GOLGA3: variants seen among roughly 807,000 people sequenced by gnomAD.
The protein encoded by GOLGA3 is golgin subfamily A member 3.
A neutral mutation model predicts 169.4 loss-of-function variants in GOLGA3; 75 were observed. The ratio of observed to expected loss-of-function variants is 0.44; its 90% CI spans 0.37 to 0.54. GOLGA3 has a LOEUF of 0.54. GOLGA3 is among the 20% of genes least tolerant of loss of function. GOLGA3 has a pLI of 0.00. For synonymous variants in GOLGA3, 824 were observed against 822.4 expected (o/e 1.00, Z -0.03); for missense variants, 1,899 against 1,930.0 (o/e 0.98, Z 0.30).
chr12:132,781,033 G>C (rs2045575367), intron 17 of GOLGA3, 119 bp from the exon 18 acceptor site: 5 of 718,816 alleles, frequency 7.0e-6, no homozygotes, highest in Non-Finnish European at 7.3e-6. Context: ...GAGGTAGAGG[G>C]AACTTCACTG....
chr12:132,790,964 T>C (rs1186732304), intron 12 of GOLGA3, among the ~76,000 whole-genome samples: 2 of 137,896 alleles, frequency 1.5e-5, no homozygotes, highest in Non-Finnish European at 3.0e-5. Flanking sequence ...GGCAGGAGAA[T>C]AGCTTGAACC....
chr12:132,828,018 C>A (rs1950494273), intron 1 of GOLGA3: 1 of 152,300 alleles, frequency 6.6e-6, no homozygotes, highest in Non-Finnish European at 1.5e-5. Context: ...ATCCTTACCG[C>A]CATCGCTTTC....
rs1454461185 is a variant in GOLGA3 at position 132,787,809 on chromosome 12, G to A, written c.2812-1022C>T. On this transcript the variant is annotated intron_variant, in intron 13 of 23. Transcript: ENST00000450791. Reference sequence around the variant, plus strand: ...CCCGGAGACCACGGGACCCCTCCCCGGAGACCCCGGGACCCCTCCCCGGAG... The same window carrying A: ...CCCGGAGACCACGGGACCCCTCCCCAGAGACCCCGGGACCCCTCCCCGGAG... 2.7e-4 allele frequency among the ~76,000 whole-genome samples: 8 copies of A among 29,894 alleles called. 1 individual carries two copies. Among genetic ancestry groups the A allele is most frequent in the East Asian group, 1.9e-3 (2 of 1,080 alleles). 19.6% of individuals were successfully genotyped at this position (29,894 alleles called of 152,430 possible). A position where few individuals can be genotyped will look rare whatever the true frequency, so the allele number is the denominator to read the frequency against.
At chr12:132,778,972 A>C (rs566924556) in intron 18 of GOLGA3, among the ~76,000 whole-genome samples, 3 of 151,860 alleles carry the variant, frequency 2.0e-5, no homozygotes, top group East Asian at 3.9e-4. Context: ...CGTGTGAGCC[A>C]GCCTGAACCA....
At chr12:132,807,559 G>C (rs956668365) in intron 5 of GOLGA3, among the ~76,000 whole-genome samples, 7 of 152,268 alleles carry the variant, frequency 4.6e-5, no homozygotes, top group Admixed American at 4.6e-4. Flanking sequence ...ACGGGAGACT[G>C]GATATTTTAG....
In GOLGA3 at chr12:132,808,483, C is replaced by G; in HGVS notation, c.586G>C (p.Glu196Gln). Residue 196 changes from glutamate (E) to glutamine (Q), a missense_variant, in exon 5 of 24, where the codon GAA becomes CAA. Glu to Gln is a conservative substitution (Grantham distance 29). Coordinates refer to ENST00000450791, the MANE Select transcript of GOLGA3 (RefSeq NM_001389683.1). Reference protein sequence around the residue: ...TLDPELMLNPENLPRASTLAM... With the variant: ...TLDPELMLNPQNLPRASTLAM... The stretch of plus-strand genomic sequence containing the variant: ...AGGGTACTGGCCCTTGGTAAGTTTT[C>G]TGGGTTTAACATGAGCTCAGGATCA... 6.2e-7 allele frequency: 1 copy of G among 1,613,998 alleles called. No individual in the cohort carries two copies. Among genetic ancestry groups the G allele is most frequent in the South Asian group, 1.1e-5 (1 of 91,072 alleles).
intron 3 of GOLGA3, among the ~76,000 whole-genome samples, chr12:132,814,536 C>G (rs769803509): frequency 6.6e-6 from 1 of 152,200 alleles, no homozygotes; most frequent in East Asian, 1.9e-4. Context: ...CACGAGACCC[C>G]GAGTGCATTT....
In GOLGA3 at chr12:132,801,709, C is replaced by T. The variant is rs561772874; in HGVS notation, c.1800+58G>A. 67 of 1,481,854 alleles carry T rather than the reference C, an allele frequency of 4.5e-5. 1 individual carries two copies. The South Asian group carries it at 6.9e-4, about 15-fold the overall frequency. The allele number at this position is 1,481,854 out of a possible 1,614,324, so 91.8% of individuals were successfully genotyped here. A position where few individuals can be genotyped will look rare whatever the true frequency, so the allele number is the denominator to read the frequency against. ...AACAGAAAAATCTCAGGAAAAAGCA[C>T]CGTTCTACATGAAGACAAGAAGCGT... On this transcript the variant is annotated intron_variant, in intron 8 of 23. Coordinates refer to ENST00000450791, the MANE Select transcript of GOLGA3 (RefSeq NM_001389683.1).
In GOLGA3 at chr12:132,776,627, C is replaced by T. The variant is rs1411339298; in HGVS notation, c.3978+7G>A. Reference sequence around the variant, plus strand: ...CCGCCTGTGCCCAGCGCCTCACACACAGGTACCTGCAGCAGCTGCTGTAGC... The same window carrying T: ...CCGCCTGTGCCCAGCGCCTCACACATAGGTACCTGCAGCAGCTGCTGTAGC... On this transcript the variant is annotated splice_region_variant and intron_variant, in intron 21 of 23. Coordinates refer to ENST00000450791, the MANE Select transcript of GOLGA3 (RefSeq NM_001389683.1). 1 of 1,602,154 alleles carries T rather than the reference C, an allele frequency of 6.2e-7. No homozygotes were observed. The highest frequency in any genetic ancestry group is 1.7e-5 in the Admixed American group (1 of 58,486).
rs1007436534 is a variant in GOLGA3, at chr12:132,786,254, C to T, written c.3123+85G>A. 4.2e-5 allele frequency: 40 copies of T among 963,572 alleles called. No individual in the cohort carries two copies. In the African/African-American group the frequency reaches 5.9e-4, roughly 14 times the overall value. The allele number at this position is 963,572 out of a possible 1,614,324, so 59.7% of individuals were successfully genotyped here. On this transcript the variant is annotated intron_variant, in intron 15 of 23. Coordinates refer to ENST00000450791, the MANE Select transcript of GOLGA3 (RefSeq NM_001389683.1). Reference sequence around the variant, plus strand: ...CCCACGCGAGCTCGGCCCCGCTAGGCTTTAGGGGACAACTGCTGATGGAGA... The same window carrying T: ...CCCACGCGAGCTCGGCCCCGCTAGGTTTTAGGGGACAACTGCTGATGGAGA...
rs190591468 is a variant in GOLGA3, at chr12:132,787,825, C to T, written c.2812-1038G>A. The stretch of plus-strand genomic sequence containing the variant: ...CCCCTCCCCGGAGACCCCGGGACCC[C>T]TCCCCGGAGACCCCGGGACCCCTCC... On this transcript the variant is annotated intron_variant, in intron 13 of 23. Transcript: ENST00000450791. 7.3e-4 allele frequency among the ~76,000 whole-genome samples: 46 copies of T among 63,004 alleles called. 15 individuals are homozygous for T. Among genetic ancestry groups the T allele is most frequent in the East Asian group, 2.6e-3 (6 of 2,326 alleles). The allele number at this position is 63,004 out of a possible 152,430, so 41.3% of individuals were successfully genotyped here. A position where few individuals can be genotyped will look rare whatever the true frequency, so the allele number is the denominator to read the frequency against.
intron 9 of GOLGA3, 89 bp from the exon 10 acceptor site, chr12:132,796,789 C>T (rs2242292): frequency 0.39 from 495,345 of 1,256,724 alleles, 104,116 homozygotes; most frequent in Non-Finnish European, 0.43. Flanking sequence ...AGAAACCCAC[C>T]GCCCTGGCAT....
At position 132,787,562 on chromosome 12, in the gene GOLGA3, CTT is replaced by C. The variant is rs1378382210; in HGVS notation, c.2812-777_2812-776del. Among the ~76,000 whole-genome samples the C allele has an allele frequency of 4.5e-4, 51 of 113,794 alleles. 3 individuals carry two copies. The highest frequency in any genetic ancestry group is 8.1e-4 in the South Asian group (3 of 3,692). The allele number at this position is 113,794 out of a possible 152,430, so 74.7% of individuals were successfully genotyped here. A position where few individuals can be genotyped will look rare whatever the true frequency, so the allele number is the denominator to read the frequency against. On this transcript the variant is annotated intron_variant, in intron 13 of 23. Transcript: ENST00000450791. ...CCCCTCCCCCAGAGCCCCCAGGACC[CTT>C]CCTGAGACCCCGGGACCCCTCCCCA... is the stretch of plus-strand genomic sequence containing the variant.
At chr12:132,811,476 A>ATTTTTT (rs202026810) in intron 4 of GOLGA3, among the ~76,000 whole-genome samples, 3 of 151,074 alleles carry the variant, frequency 2.0e-5, no homozygotes, top group African/African-American at 2.4e-5. Flanking sequence ...TCATACTTGC[A>ATTTTTT]TTTTTATTTT....
chr12:132,795,443 A>G (rs1206047691), intron 11 of GOLGA3, among the ~76,000 whole-genome samples: 7 of 151,646 alleles, frequency 4.6e-5, no homozygotes, highest in African/African-American at 1.7e-4. Flanking sequence ...CCTGGCCAAC[A>G]TGGCAAAACC....
chr12:132,806,479 GA>G (rs1949409144), intron 6 of GOLGA3, among the ~76,000 whole-genome samples: 1 of 152,212 alleles, frequency 6.6e-6, no homozygotes, highest in African/African-American at 2.4e-5. Context: ...TGTTGTATGA[GA>G]AAACCATCTT....
At chr12:132,796,917 C>T (rs1042649968) in intron 9 of GOLGA3, among the ~76,000 whole-genome samples, 4 of 152,210 alleles carry the variant, frequency 2.6e-5, no homozygotes, top group African/African-American at 9.6e-5. Flanking sequence ...CCAGCAACCC[C>T]GTGAGAAGGA....
At chr12:132,780,982 C>G (rs2045570811) in intron 17 of GOLGA3, 68 bp from the exon 18 acceptor site, 2 of 1,188,412 alleles carry the variant, frequency 1.7e-6, no homozygotes, top group Non-Finnish European at 2.5e-6. Context: ...GCTGCTACAG[C>G]AGGCAACGTG....
intron 15 of GOLGA3, among the ~76,000 whole-genome samples, chr12:132,784,752 C>T (rs2045805439): frequency 6.9e-6 from 1 of 145,930 alleles, no homozygotes; most frequent in South Asian, 2.2e-4. Flanking sequence ...CACATGCTCA[C>T]ACCCCACGTG....
Sources: gnomAD v4.1 joint callset for allele counts (sites outside exome capture counted in the v4.1 genomes callset) on GRCh38, gnomAD v4.1.1 for gene constraint, MANE v1.5 for transcripts, NCBI Gene and HGNC (gene_info 2026-07-23, HGNC 2026-07-21) for gene names.